CTNND2: variants seen among roughly 807,000 people sequenced by gnomAD.
CTNND2 encodes the protein catenin delta-2.
CTNND2 carries 22 observed loss-of-function variants against 144.4 expected under a neutral mutation model. The observed-to-expected ratio is 0.15, with a 90% CI of 0.11 to 0.22. The LOEUF (loss-of-function observed/expected upper bound fraction) is 0.22, where lower values mean the gene tolerates loss of function less well. Among genes scored for constraint, CTNND2 ranks in the 10% least tolerant of loss-of-function variants. The probability of loss-of-function intolerance (pLI) is 1.00; values close to 1 mark genes in which losing one functional copy is unlikely to be tolerated. For synonymous variants in CTNND2, 751 were observed against 695.6 expected (o/e 1.08, Z -1.25); for missense variants, 1,353 against 1,618.8 (o/e 0.84, Z 2.82).
At chr5:11,132,495 G>T (rs540501185) in intron 12 of CTNND2, among the ~76,000 whole-genome samples, 1 of 152,050 alleles carries the variant, frequency 6.6e-6, no homozygotes, top group Non-Finnish European at 1.5e-5. Context: ...CCCTCTTTCC[G>T]CTGTGTGAAG....
intron 11 of CTNND2, among the ~76,000 whole-genome samples, chr5:11,176,150 C>G (rs926903964): frequency 1.3e-5 from 2 of 152,112 alleles, no homozygotes; most frequent in African/African-American, 4.8e-5. Context: ...TACTGATGCC[C>G]AATATCATTA....
At chr5:11,676,090 G>A (rs1440743345) in intron 2 of CTNND2, among the ~76,000 whole-genome samples, 2 of 151,812 alleles carry the variant, frequency 1.3e-5, no homozygotes, top group Non-Finnish European at 2.9e-5. Flanking sequence ...ATACAGGAGA[G>A]CTCTGGCTGG....
chr5:11,496,343 T>C (rs1306025980), intron 3 of CTNND2, among the ~76,000 whole-genome samples: 3 of 152,174 alleles, frequency 2.0e-5, no homozygotes. Context: ...TCTGCTACCA[T>C]TCAGAACTGT....
chr5:11,159,114 T>C (rs1044635241), intron 12 of CTNND2, among the ~76,000 whole-genome samples: 1 of 152,204 alleles, frequency 6.6e-6, no homozygotes, highest in African/African-American at 2.4e-5. Flanking sequence ...AATTATAGAA[T>C]CTTACAGTCA....
chr5:11,772,291 A>G (rs541939875), intron 1 of CTNND2, among the ~76,000 whole-genome samples: 21 of 152,212 alleles, frequency 1.4e-4, no homozygotes, highest in African/African-American at 5.1e-4. Context: ...TACACTTCGC[A>G]TTAGATCACA....
chr5:11,583,067 T>C (rs1304032555), intron 2 of CTNND2, among the ~76,000 whole-genome samples: 3 of 152,218 alleles, frequency 2.0e-5, no homozygotes, highest in Non-Finnish European at 4.4e-5. Context: ...CTTCTAAAAA[T>C]GAATGCAAAC....
rs1736026327 is a variant in CTNND2 at position 10,973,317 on chromosome 5, C to T, written c.*136G>A. ...TTTCTAAAATAGCTCTTAATATTTCCTTACTGGTTATCACAGCCTTCCTAT... is the reference window on the plus strand; with the variant it reads ...TTTCTAAAATAGCTCTTAATATTTCTTTACTGGTTATCACAGCCTTCCTAT... On this transcript the variant is annotated 3_prime_UTR_variant, in exon 22 of 22. Coordinates refer to ENST00000304623, the MANE Select transcript of CTNND2 (RefSeq NM_001332.4). This position sits in a 1 kb window ranked among gnomAD's most constrained non-coding sequence, Gnocchi z 5.6. 3.3e-6 allele frequency: 3 copies of T among 905,378 alleles called. No homozygotes were observed. The highest frequency in any genetic ancestry group is 3.5e-5 in the Admixed American group (1 of 28,382). The allele number at this position is 905,378 out of a possible 1,614,324, so 56.1% of individuals were successfully genotyped here. A position where few individuals can be genotyped will look rare whatever the true frequency, so the allele number is the denominator to read the frequency against.
At chr5:11,166,765 C>T (rs1016140633) in intron 11 of CTNND2, among the ~76,000 whole-genome samples, 4 of 152,060 alleles carry the variant, frequency 2.6e-5, no homozygotes, top group African/African-American at 7.2e-5. Flanking sequence ...GCTATACAAA[C>T]GAGTATTTGG....
intron 8 of CTNND2, among the ~76,000 whole-genome samples, chr5:11,361,329 T>C (rs1259956270): frequency 2.0e-5 from 3 of 152,186 alleles, no homozygotes; most frequent in African/African-American, 7.2e-5. Flanking sequence ...CCTATTTATT[T>C]ATTTTTAATA....
intron 2 of CTNND2, among the ~76,000 whole-genome samples, chr5:11,687,999 A>G (rs921381587): frequency 2.0e-5 from 3 of 152,208 alleles, no homozygotes; most frequent in African/African-American, 7.2e-5. Flanking sequence ...GAGAATAGAA[A>G]GGAGATCAAT....
At chr5:11,446,430 C>A (rs1043423116) in intron 3 of CTNND2, among the ~76,000 whole-genome samples, 2 of 152,174 alleles carry the variant, frequency 1.3e-5, no homozygotes, top group African/African-American at 4.8e-5. Flanking sequence ...TGAGCAATGG[C>A]ATGTGGGTAG....
intron 9 of CTNND2, among the ~76,000 whole-genome samples, chr5:11,250,460 T>G (rs967935104): frequency 3.8e-5 from 2 of 52,418 alleles, no homozygotes; most frequent in Non-Finnish European, 6.6e-5. Flanking sequence ...AAGGGTGCTC[T>G]CTCTCTCTCT....
At chr5:11,085,320 C>T (rs1389430147) in intron 15 of CTNND2, among the ~76,000 whole-genome samples, 1 of 152,172 alleles carries the variant, frequency 6.6e-6, no homozygotes, top group Admixed American at 6.5e-5. Flanking sequence ...ATTATTGAGA[C>T]ATAGAAAATA....
intron 1 of CTNND2, among the ~76,000 whole-genome samples, chr5:11,864,177 G>C (rs1399826753): frequency 1.3e-5 from 2 of 151,994 alleles, no homozygotes; most frequent in African/African-American, 2.4e-5. Flanking sequence ...GAGGTCACTC[G>C]AGGGACGCCA....
At chr5:11,474,321 A>G (rs1767515407) in intron 3 of CTNND2, among the ~76,000 whole-genome samples, 1 of 152,232 alleles carries the variant, frequency 6.6e-6, no homozygotes, top group South Asian at 2.1e-4. Context: ...TCCCAAAATG[A>G]GCAAGGCTTA....
intron 17 of CTNND2, among the ~76,000 whole-genome samples, chr5:11,022,543 G>A (rs1051168903): frequency 4.6e-5 from 7 of 152,178 alleles, no homozygotes; most frequent in South Asian, 2.1e-4. Context: ...GGTTGAACTC[G>A]TGTCGCTGCC....
At chr5:11,660,379 C>T (rs983406820) in intron 2 of CTNND2, among the ~76,000 whole-genome samples, 11 of 152,024 alleles carry the variant, frequency 7.2e-5, no homozygotes, top group Admixed American at 2.0e-4. Flanking sequence ...GAACAATCAC[C>T]GGACAGAAGG....
In CTNND2 at chr5:10,988,094, G is replaced by A. The variant is rs1407857165; in HGVS notation, c.3343+17C>T. The A allele has an allele frequency of 7.4e-6, 12 of 1,613,634 alleles. No homozygotes were observed. The highest frequency in any genetic ancestry group is 3.3e-5 in the South Asian group (3 of 91,014). ...AAGCCACCAAGTTCCAGGAGGGGGC[G>A]CGCGAGGGGCGCTCACCTGTCATGG... On this transcript the variant is annotated intron_variant, in intron 20 of 21. Transcript: ENST00000304623. This position sits in a 1 kb window ranked among gnomAD's most constrained non-coding sequence, Gnocchi z 5.9.
intron 1 of CTNND2, among the ~76,000 whole-genome samples, chr5:11,735,413 A>C (rs1787626344): frequency 6.6e-6 from 1 of 152,168 alleles, no homozygotes; most frequent in Non-Finnish European, 1.5e-5. Flanking sequence ...GTAAGAAGGA[A>C]GGACAATGCA....
Sources: allele counts gnomAD v4.1 joint callset (sites outside exome capture counted in the v4.1 genomes callset), GRCh38; gene constraint gnomAD v4.1.1; non-coding constraint Gnocchi (gnomAD v3.1); transcripts MANE v1.5; gene names NCBI Gene and HGNC (gene_info 2026-07-23, HGNC 2026-07-21).